Variants in ZSWIM3 observed in about 807,000 individuals in gnomAD.
ZSWIM3 encodes the protein zinc finger SWIM-type containing 3, also known as zinc finger SWIM domain-containing protein 3.
In ZSWIM3, 27 loss-of-function variants were observed where a neutral mutation model predicts 47.5. That is an observed-to-expected ratio of 0.57 (90% CI 0.42 to 0.78). ZSWIM3 has a LOEUF of 0.78. Among genes scored for constraint, ZSWIM3 ranks in the 30% least tolerant of loss-of-function variants. The pLI is 0.00. For missense variants in ZSWIM3, 689 were observed against 861.3 expected (o/e 0.80, Z 2.50); for synonymous variants, 333 against 333.9 (o/e 1.00, Z 0.03).
At chr20:45,866,630 A>AC (rs1985848864) in intron 1 of ZSWIM3, among the ~76,000 whole-genome samples, 1 of 151,976 alleles carries the variant, frequency 6.6e-6, no homozygotes, top group Non-Finnish European at 1.5e-5. Flanking sequence ...ACATAGCGAG[A>AC]CCCCATTTCT....
At chr20:45,858,097 C>A in intron 1 of ZSWIM3, 117 bp downstream of exon 1, 1 of 1,126,512 alleles carries the variant, frequency 8.9e-7, no homozygotes, top group Non-Finnish European at 1.3e-6. Flanking sequence ...GCCATTCATT[C>A]AACAGGCACT....
At chr20:45,867,081 A>C (rs1985864028) in intron 1 of ZSWIM3, among the ~76,000 whole-genome samples, 2 of 140,148 alleles carry the variant, frequency 1.4e-5, no homozygotes, top group African/African-American at 5.3e-5. Context: ...ATCTCTGCTC[A>C]CTGCAACCTC....
rs1256151771 is a variant in ZSWIM3, at chr20:45,857,651, G to T, written c.-175G>T. 9.1e-6 allele frequency: 7 copies of T among 765,462 alleles called. No homozygotes were observed. Among genetic ancestry groups the T allele is most frequent in the South Asian group, 3.5e-5 (2 of 57,772 alleles). 47.4% of individuals were successfully genotyped at this position (765,462 alleles called of 1,614,324 possible). On this transcript the variant is annotated 5_prime_UTR_variant, in exon 1 of 2. Coordinates refer to ENST00000255152, the MANE Select transcript of ZSWIM3 (RefSeq NM_080752.4). The stretch of plus-strand genomic sequence containing the variant: ...ATACACCCCCTTCCTCTTGTAACCC[G>T]GTCAGGCCTAGGGTTCCTCCCTGAG...
At chr20:45,873,177 G>A (rs958996652) in intron 1 of ZSWIM3, among the ~76,000 whole-genome samples, 6 of 152,232 alleles carry the variant, frequency 3.9e-5, no homozygotes, top group Admixed American at 6.5e-5. Flanking sequence ...CGAGGTGGGC[G>A]GATCATCTGA....
At chr20:45,870,942 A>G (rs560434959) in intron 1 of ZSWIM3, among the ~76,000 whole-genome samples, 2 of 152,068 alleles carry the variant, frequency 1.3e-5, no homozygotes, top group Non-Finnish European at 2.9e-5. Flanking sequence ...TGATCCACCT[A>G]CCTTGGCCTC....
At position 45,878,501 on chromosome 20, in the gene ZSWIM3, T is replaced by C. The variant is rs1365031485; in HGVS notation, c.1943T>C (p.Ile648Thr). ...GAACGCTACTCCACCCTGCGCAAGA[T>C]TGTGGATATCTGGGCTGGCCCCTCC... ...LEERYSTLRKIVDIWAGPSQP... is the reference protein window; with the variant it reads ...LEERYSTLRKTVDIWAGPSQP... The change falls in exon 2 of 2, where the codon ATT becomes ACT. Residue 648 changes from isoleucine to threonine, a missense_variant. Coordinates refer to ENST00000255152, the MANE Select transcript of ZSWIM3 (RefSeq NM_080752.4). The C allele has an allele frequency of 1.5e-5, 24 of 1,614,070 alleles. No homozygotes were observed. The highest frequency in any genetic ancestry group is 2.0e-5 in the Non-Finnish European group (24 of 1,180,038).
intron 1 of ZSWIM3, among the ~76,000 whole-genome samples, chr20:45,871,687 TAAAAAAAAAAAAAAG>T (rs1406845521): frequency 3.1e-5 from 4 of 130,922 alleles, no homozygotes; most frequent in Non-Finnish European, 6.6e-5. Context: ...CCATCTCTAC[TAAAAAAAAAAAAAAG>T]AAAGAAAAAA....
In ZSWIM3 at chr20:45,877,514, A is replaced by T; in HGVS notation, c.956A>T (p.His319Leu). Residue 319 changes from histidine (H) to leucine (L), a missense_variant, in exon 2 of 2, where the codon CAT (histidine) becomes CTT (leucine). Coordinates refer to ENST00000255152, the MANE Select transcript of ZSWIM3 (RefSeq NM_080752.4). ...HTTRLLEKKLHRSSANPSFKR... is the reference protein window; with the variant it reads ...HTTRLLEKKLLRSSANPSFKR... ...ACCCGACTCTTGGAGAAGAAGTTGC[A>T]TCGTAGTTCAGCAAATCCATCCTTT... 6.2e-7 allele frequency: 1 copy of T among 1,614,154 alleles called. No individual in the cohort carries two copies. Among genetic ancestry groups the T allele is most frequent in the Non-Finnish European group, 8.5e-7 (1 of 1,180,034 alleles).
intron 1 of ZSWIM3, among the ~76,000 whole-genome samples, chr20:45,865,101 T>C (rs1985805467): frequency 6.6e-6 from 1 of 151,448 alleles, no homozygotes; most frequent in Admixed American, 6.6e-5. Flanking sequence ...GGCGGATCAC[T>C]TGAGGTCAGG....
chr20:45,860,315 G>A (rs928287714), intron 1 of ZSWIM3, among the ~76,000 whole-genome samples: 3 of 151,972 alleles, frequency 2.0e-5, no homozygotes, highest in Non-Finnish European at 4.4e-5. Context: ...AGCAGTTCAA[G>A]ACCATCCTGG....
intron 1 of ZSWIM3, among the ~76,000 whole-genome samples, chr20:45,864,078 G>T (rs1985774565): frequency 6.6e-6 from 1 of 152,148 alleles, no homozygotes; most frequent in Admixed American, 6.5e-5. Context: ...TAGCCACTGG[G>T]CTCTAATAGT....
In ZSWIM3 at chr20:45,878,413, A is replaced by G. The variant is rs1357096875; in HGVS notation, c.1855A>G (p.Ile619Val). Residue 619 changes from isoleucine to valine, a missense_variant, in exon 2 of 2, where the codon ATT becomes GTT. Ile to Val is a conservative substitution (Grantham distance 29, BLOSUM62 3). Transcript: ENST00000255152. ...QPEKQGRNDM[I>V]QDLSRELANL... ...TGAGAAGCAAGGACGGAACGACATG[A>G]TTCAGGACCTAAGCAGGGAGTTAGC... 1.9e-6 allele frequency: 3 copies of G among 1,614,090 alleles called. No individual in the cohort carries two copies. Among genetic ancestry groups the G allele is most frequent in the Non-Finnish European group, 2.5e-6 (3 of 1,180,048 alleles).
At chr20:45,866,007 AAG>A (rs1491071655) in intron 1 of ZSWIM3, among the ~76,000 whole-genome samples, 2 of 149,970 alleles carry the variant, frequency 1.3e-5, no homozygotes, top group Non-Finnish European at 3.0e-5. Context: ...AAAAAAAAAA[AAG>A]AAAAAGAAAA....
Position 45,877,205 on chromosome 20 carries a change from GCTTCCCAGAGAAT to G in ZSWIM3, c.650_662del (p.Phe217SerfsTer46). On this transcript the variant is annotated frameshift_variant, in exon 2 of 2. Transcript: ENST00000255152. LOFTEE classifies it high-confidence loss of function. ...AGTAAGATGACCGACCTGTTCATCC[GCTTCCCAGAGAAT>G]CTCTTGCTACACCGGGTGGAGAACA... is the stretch of plus-strand genomic sequence containing the variant. 1 of 1,614,100 alleles carries G rather than the reference GCTTCCCAGAGAAT, an allele frequency of 6.2e-7. No individual in the cohort carries two copies. The highest frequency in any genetic ancestry group is 8.5e-7 in the Non-Finnish European group (1 of 1,180,024).
chr20:45,877,064 C>G lies in ZSWIM3; in HGVS notation c.506C>G (p.Ser169Cys). Residue 169 changes from serine to cysteine, a missense_variant, in exon 2 of 2, where the codon TCT becomes TGT. Coordinates refer to ENST00000255152, the MANE Select transcript of ZSWIM3 (RefSeq NM_080752.4). ...SKPEQEGITP[S>C]DLAKIAKVMK... is the part of the protein sequence containing the mutation. ...CCAGAGCAGGAAGGCATCACTCCTTCTGACCTGGCCAAGATAGCAAAAGTG... is the reference window on the plus strand; with the variant it reads ...CCAGAGCAGGAAGGCATCACTCCTTGTGACCTGGCCAAGATAGCAAAAGTG... 1 of 1,614,210 alleles carries G rather than the reference C, an allele frequency of 6.2e-7. No homozygotes were observed. The highest frequency in any genetic ancestry group is 8.5e-7 in the Non-Finnish European group (1 of 1,180,040).
intron 1 of ZSWIM3, among the ~76,000 whole-genome samples, chr20:45,860,019 C>A (rs1344304616): frequency 1.3e-5 from 2 of 152,112 alleles, no homozygotes; most frequent in Non-Finnish European, 2.9e-5. Context: ...GAGGCTTGAG[C>A]TGGGCCCCCA....
Position 45,876,714 on chromosome 20 carries a change from G to C in ZSWIM3, c.156G>C (p.Leu52=). ...TCATTGTTACCTCTACCTTCCCTAG[G>C]TATGTGCAGGTGAAATTTGTCTGCA... ...NHGTSIREDI[L]YVQVKFVCIR... Residue 52 remains leucine, a splice_region_variant and synonymous_variant, in exon 2 of 2, where the codon CTG becomes CTC. Transcript: ENST00000255152. 3 of 1,609,736 alleles carry C rather than the reference G, an allele frequency of 1.9e-6. No individual in the cohort carries two copies. The highest frequency in any genetic ancestry group is 2.5e-6 in the Non-Finnish European group (3 of 1,177,476).
At chr20:45,861,539 A>G (rs6130950) in intron 1 of ZSWIM3, among the ~76,000 whole-genome samples, 78,474 of 151,940 alleles carry the variant, frequency 0.52, 20,821 homozygotes, top group Admixed American at 0.6. Flanking sequence ...AGGAAAGGAA[A>G]TTGGAGGGTT....
intron 1 of ZSWIM3, among the ~76,000 whole-genome samples, chr20:45,865,132 A>C (rs1033718567): frequency 6.6e-6 from 1 of 152,128 alleles, no homozygotes; most frequent in Non-Finnish European, 1.5e-5. Flanking sequence ...CAGCCTGGCC[A>C]ACATGGCGAA....
Sources: allele counts gnomAD v4.1 joint callset (sites outside exome capture counted in the v4.1 genomes callset), GRCh38; gene constraint gnomAD v4.1.1; transcripts MANE v1.5; gene names NCBI Gene and HGNC (gene_info 2026-07-23, HGNC 2026-07-21).